ITCH: variants seen among roughly 807,000 people sequenced by gnomAD.
ITCH encodes itchy E3 ubiquitin protein ligase, also known as E3 ubiquitin-protein ligase Itchy homolog.
ITCH carries 28 observed loss-of-function variants against 126.8 expected under a neutral mutation model. The ratio of observed to expected loss-of-function variants is 0.22; its 90% CI spans 0.16 to 0.30. ITCH has a LOEUF of 0.30. ITCH is among the 10% of genes least tolerant of loss of function. The pLI is 1.00. For synonymous variants in ITCH, 342 were observed against 340.0 expected (o/e 1.01, Z -0.06); for missense variants, 631 against 1,032.4 (o/e 0.61, Z 5.33).
chr20:34,418,723 T>C (rs1008708423), intron 6 of ITCH, among the ~76,000 whole-genome samples: 24 of 151,722 alleles, frequency 1.6e-4, no homozygotes, highest in Non-Finnish European at 3.4e-4. Context: ...CCACAAAAGG[T>C]AGTAAAACTC....
intron 2 of ITCH, among the ~76,000 whole-genome samples, chr20:34,370,105 GAAAA>G (rs944960345): frequency 8.5e-6 from 1 of 117,728 alleles, no homozygotes; most frequent in African/African-American, 3.1e-5. Context: ...CCCTGTCTCG[GAAAA>G]AAAAAAAAAA....
At chr20:34,411,435 TG>T (rs1979023337) in intron 4 of ITCH, among the ~76,000 whole-genome samples, 1 of 152,326 alleles carries the variant, frequency 6.6e-6, no homozygotes, top group South Asian at 2.1e-4. Context: ...ATTACAGGCG[TG>T]AGCCATTGCG....
intron 22 of ITCH, among the ~76,000 whole-genome samples, chr20:34,492,224 A>G (rs532596063): frequency 4.5e-4 from 69 of 152,292 alleles, no homozygotes; most frequent in South Asian, 2.1e-4. Flanking sequence ...AGTGGACACC[A>G]GAGTTTCCTT....
At chr20:34,410,093 C>G (rs967052222) in intron 4 of ITCH, among the ~76,000 whole-genome samples, 3 of 151,732 alleles carry the variant, frequency 2.0e-5, no homozygotes, top group Non-Finnish European at 2.9e-5. Flanking sequence ...TTTGGCCAGG[C>G]ATGGTGGCTC....
At chr20:34,421,798 G>A (rs1461294439) in intron 6 of ITCH, among the ~76,000 whole-genome samples, 10 of 152,106 alleles carry the variant, frequency 6.6e-5, no homozygotes, top group Non-Finnish European at 1.2e-4. Context: ...ACTTGAGTCC[G>A]GGAGTTTGAG....
intron 14 of ITCH, among the ~76,000 whole-genome samples, chr20:34,462,654 G>A (rs1487322007): frequency 1.3e-5 from 2 of 152,006 alleles, no homozygotes; most frequent in African/African-American, 4.8e-5. Flanking sequence ...CTTGTTTTAT[G>A]TGTACAGTTC....
At position 34,392,356 on chromosome 20, in the gene ITCH, G is replaced by T. The variant is rs372223414; in HGVS notation, c.-21-1435G>T. On this transcript the variant is annotated intron_variant, in intron 2 of 24. Coordinates refer to ENST00000374864, the MANE Select transcript of ITCH (RefSeq NM_031483.7). ...AAATAGTGTAATTTAAATAAACAAG[G>T]TAAAGGAAAAAAATATATGTATTAT... 7.0e-4 allele frequency among the ~76,000 whole-genome samples: 107 copies of T among 152,180 alleles called. 1 individual carries two copies. The highest frequency in any genetic ancestry group is 2.5e-3 in the African/African-American group (104 of 41,530).
At chr20:34,467,319 A>C (rs1250929610) in intron 14 of ITCH, among the ~76,000 whole-genome samples, 2 of 152,130 alleles carry the variant, frequency 1.3e-5, no homozygotes, top group African/African-American at 4.8e-5. Flanking sequence ...ACTTGAGCTC[A>C]AGAGTTCAAG....
intron 23 of ITCH, among the ~76,000 whole-genome samples, chr20:34,503,090 T>G (rs965216183): frequency 1.8e-4 from 28 of 152,216 alleles, no homozygotes; most frequent in African/African-American, 6.3e-4. Flanking sequence ...ACAGAATAAT[T>G]TTAACTGTGT....
intron 10 of ITCH, among the ~76,000 whole-genome samples, chr20:34,443,602 A>G (rs889961847): frequency 6.6e-6 from 1 of 152,222 alleles, no homozygotes; most frequent in Non-Finnish European, 1.5e-5. Flanking sequence ...CTTGTTAGTA[A>G]TCTGAAGGAA....
chr20:34,387,619 CAAAA>C (rs771355212), intron 2 of ITCH, among the ~76,000 whole-genome samples: 1 of 86,628 alleles, frequency 1.2e-5, no homozygotes, highest in Admixed American at 1.2e-4. Flanking sequence ...GACCCTGTCT[CAAAA>C]AAAAAAAAAA....
intron 20 of ITCH, 36 bp from the exon 21 acceptor site, chr20:34,489,230 A>C (rs1600481393): frequency 2.5e-6 from 4 of 1,600,858 alleles, no homozygotes; most frequent in Non-Finnish European, 3.4e-6. Flanking sequence ...ATAAGATCTA[A>C]ACTTCCTGAT....
At chr20:34,481,327 C>A in intron 20 of ITCH, 121 bp downstream of exon 20, 2 of 1,061,752 alleles carry the variant, frequency 1.9e-6, no homozygotes, top group Admixed American at 2.3e-5. Flanking sequence ...AATCAATATC[C>A]TATGTAGGCA....
At chr20:34,473,284 A>G (rs570852033) in intron 16 of ITCH, among the ~76,000 whole-genome samples, 1 of 152,260 alleles carries the variant, frequency 6.6e-6, no homozygotes, top group South Asian at 2.1e-4. Context: ...TTTTTCCTTC[A>G]TATTAGACAT....
At chr20:34,372,727 G>C (rs949533737) in intron 2 of ITCH, among the ~76,000 whole-genome samples, 1 of 152,016 alleles carries the variant, frequency 6.6e-6, no homozygotes. Flanking sequence ...TGTAGGAAAC[G>C]TAAGTATAGA....
intron 2 of ITCH, among the ~76,000 whole-genome samples, chr20:34,373,926 C>T (rs750911692): frequency 6.6e-6 from 1 of 151,534 alleles, no homozygotes; most frequent in Non-Finnish European, 1.5e-5. Flanking sequence ...TGCTTTGTCG[C>T]CAGGCTGGAG....
At position 34,414,581 on chromosome 20, in the gene ITCH, C is replaced by G. The variant is rs1979556155; in HGVS notation, c.475+702C>G. ...TCCTGGGTTCAAGCGATTTTCCTGT[C>G]TCAGTCTCCTAAGTAGCTGGGATTA... is the stretch of plus-strand genomic sequence containing the variant. On this transcript the variant is annotated intron_variant, in intron 6 of 24. Transcript: ENST00000374864. Among the ~76,000 whole-genome samples, 4 of 148,078 alleles carry G rather than the reference C, an allele frequency of 2.7e-5. No homozygotes were observed. In the Admixed American group the frequency reaches 2.8e-4, roughly 10 times the overall value.
At position 34,489,347 on chromosome 20, in the gene ITCH, C is replaced by T; in HGVS notation, c.2175C>T (p.Pro725=). 2 of 1,613,170 alleles carry T rather than the reference C, an allele frequency of 1.2e-6. No homozygotes were observed. The highest frequency in any genetic ancestry group is 8.5e-7 in the Non-Finnish European group (1 of 1,179,372). The change falls in exon 21 of 25, where the codon CCC becomes CCT. Residue 725 remains proline, a synonymous_variant. Coordinates refer to ENST00000374864, the MANE Select transcript of ITCH (RefSeq NM_031483.7). The stretch of plus-strand genomic sequence containing the variant: ...TTGAAGGCTTTAATGAAATTCTTCC[C>T]CAGCAATATTTGCAATACTTTGATG... ...AFFEGFNEIL[P]QQYLQYFDAK...
At chr20:34,477,413 C>T (rs547543667) in intron 16 of ITCH, among the ~76,000 whole-genome samples, 1 of 152,262 alleles carries the variant, frequency 6.6e-6, no homozygotes, top group African/African-American at 2.4e-5. Flanking sequence ...ACCTGTAGTT[C>T]CAGCTACTTG....
Sources: allele counts gnomAD v4.1 joint callset (sites outside exome capture counted in the v4.1 genomes callset), GRCh38; gene constraint gnomAD v4.1.1; transcripts MANE v1.5; gene names NCBI Gene and HGNC (gene_info 2026-07-23, HGNC 2026-07-21).